TLL2: variants seen among roughly 807,000 people sequenced by gnomAD.
TLL2 encodes the protein tolloid like 2, also known as tolloid-like protein 2.
In TLL2, 106 loss-of-function variants were observed where a neutral mutation model predicts 123.0. The ratio of observed to expected loss-of-function variants is 0.86; its 90% confidence interval spans 0.74 to 1.01. The LOEUF (loss-of-function observed/expected upper bound fraction) is 1.01. TLL2 is among the 50% of genes least tolerant of loss of function. TLL2 has a pLI of 0.00. For synonymous variants in TLL2, 494 were observed against 516.8 expected (o/e 0.96, Z 0.60); for missense variants, 1,332 against 1,336.7 (o/e 1.00, Z 0.06).
intron 2 of TLL2, among the ~76,000 whole-genome samples, chr10:96,475,218 A>C (rs1847225974): frequency 6.6e-6 from 1 of 152,226 alleles, no homozygotes; most frequent in South Asian, 2.1e-4. Flanking sequence ...AAATCAACAC[A>C]GCTCGTGGCC....
chr10:96,428,639 T>A lies in TLL2; in HGVS notation c.630A>T (p.Arg210Ser), dbSNP rs1846702802. ...CGCTTTCGTTTACTTACCCACAGGT[T>A]CTGTAACTGAATACAATAAAGCTTT... ...DEESFIVFSYRTCGCCSYVGR... is the reference protein window; with the variant it reads ...DEESFIVFSYSTCGCCSYVGR... The change falls in exon 5 of 21, where the codon AGA (arginine) becomes AGT (serine). Residue 210 changes from arginine to serine, a missense_variant. By Grantham distance (110) the Arg-to-Ser change is moderately radical. Coordinates refer to ENST00000357947, the MANE Select transcript of TLL2 (RefSeq NM_012465.4). 6.2e-7 allele frequency: 1 copy of A among 1,612,532 alleles called. No homozygotes were observed. The highest frequency in any genetic ancestry group is 8.5e-7 in the Non-Finnish European group (1 of 1,178,712).
intron 7 of TLL2, among the ~76,000 whole-genome samples, chr10:96,413,622 G>A: frequency 6.6e-6 from 1 of 152,168 alleles, no homozygotes; most frequent in South Asian, 2.1e-4. Flanking sequence ...ATGAAGCCCT[G>A]ACAGGTCCAG....
intron 1 of TLL2, among the ~76,000 whole-genome samples, chr10:96,499,947 T>C (rs1220599164): frequency 6.6e-6 from 1 of 151,932 alleles, no homozygotes; most frequent in Non-Finnish European, 1.5e-5. Flanking sequence ...TTTTTAAAAC[T>C]AGAATATAAA....
intron 5 of TLL2, among the ~76,000 whole-genome samples, chr10:96,424,656 A>G: frequency 6.6e-6 from 1 of 151,714 alleles, no homozygotes. Context: ...TGGGTTGTCC[A>G]TTTTTTTATG....
intron 19 of TLL2, among the ~76,000 whole-genome samples, chr10:96,370,953 A>T (rs1477855216): frequency 6.6e-6 from 1 of 152,134 alleles, no homozygotes; most frequent in Non-Finnish European, 1.5e-5. Flanking sequence ...TTCATTATAC[A>T]AGGACAGTAA....
chr10:96,408,528 A>G (rs902713095), intron 9 of TLL2, among the ~76,000 whole-genome samples: 7 of 152,176 alleles, frequency 4.6e-5, no homozygotes, highest in African/African-American at 1.7e-4. Flanking sequence ...GAGCAATTCA[A>G]TAATTTAGAA....
At chr10:96,410,124 T>C (rs986379295) in intron 9 of TLL2, among the ~76,000 whole-genome samples, 1 of 152,226 alleles carries the variant, frequency 6.6e-6, no homozygotes, top group Non-Finnish European at 1.5e-5. Context: ...GAAGGAACTG[T>C]GAGCTTGATT....
chr10:96,490,310 TC>T (rs1419615258), intron 1 of TLL2, among the ~76,000 whole-genome samples: 1 of 152,122 alleles, frequency 6.6e-6, no homozygotes, highest in Non-Finnish European at 1.5e-5. Flanking sequence ...TCAATCAAAA[TC>T]CCAATTTTTT....
At chr10:96,390,469 G>A (rs765544079) in intron 13 of TLL2, among the ~76,000 whole-genome samples, 8 of 152,246 alleles carry the variant, frequency 5.3e-5, no homozygotes, top group Non-Finnish European at 1.2e-4. Context: ...TCTGCTTGCT[G>A]CCAGCCAGTA....
chr10:96,431,041 T>C (rs1564905904), intron 4 of TLL2, among the ~76,000 whole-genome samples: 2 of 152,302 alleles, frequency 1.3e-5, no homozygotes, highest in East Asian at 3.9e-4. Flanking sequence ...TCTAATAACA[T>C]GAAATACTTG....
chr10:96,382,179 G>A (rs143376900), intron 16 of TLL2, among the ~76,000 whole-genome samples: 176 of 152,126 alleles, frequency 1.2e-3, no homozygotes, highest in African/African-American at 3.8e-3. Context: ...CTACACATGC[G>A]CCAGCGCGCC....
At chr10:96,381,025 C>T (rs975203858) in intron 16 of TLL2, among the ~76,000 whole-genome samples, 3 of 152,162 alleles carry the variant, frequency 2.0e-5, no homozygotes, top group African/African-American at 7.2e-5. Context: ...GCCCAACACC[C>T]AGCACTGACC....
At chr10:96,394,940 G>T (rs1035169323) in intron 13 of TLL2, among the ~76,000 whole-genome samples, 9 of 152,308 alleles carry the variant, frequency 5.9e-5, no homozygotes, top group African/African-American at 1.9e-4. Flanking sequence ...GTTTGCCCTT[G>T]TAAACTTATT....
intron 1 of TLL2, among the ~76,000 whole-genome samples, chr10:96,511,667 G>A (rs918753364): frequency 6.6e-5 from 10 of 152,222 alleles, no homozygotes; most frequent in Non-Finnish European, 1.3e-4. Flanking sequence ...AGGCTGAGAC[G>A]GGGAGCTGGC....
chr10:96,450,290 T>C (rs1195839134), intron 2 of TLL2, among the ~76,000 whole-genome samples: 1 of 152,128 alleles, frequency 6.6e-6, no homozygotes, highest in Non-Finnish European at 1.5e-5. Flanking sequence ...TATCAGCTTT[T>C]ATGGAGAGAA....
At chr10:96,419,386 A>G (rs1846597467) in intron 7 of TLL2, among the ~76,000 whole-genome samples, 1 of 152,186 alleles carries the variant, frequency 6.6e-6, no homozygotes, top group African/African-American at 2.4e-5. Flanking sequence ...ACCATCACAC[A>G]GCTGCCCCTA....
intron 8 of TLL2, chr10:96,410,741 C>A: frequency 3.6e-6 from 2 of 550,618 alleles, no homozygotes; most frequent in Admixed American, 2.3e-5. Flanking sequence ...AGCTCTCTGG[C>A]CAGCTGTGTG....
chr10:96,405,348 C>T lies in TLL2; in HGVS notation c.1165-14G>A, dbSNP rs1008597064. On this transcript the variant is annotated splice_polypyrimidine_tract_variant and intron_variant, in intron 9 of 20. Transcript: ENST00000357947. ...GTTTAATACGATCTGTAAAGAATTA[C>T]CATAAAGTGAGTTTTGGCAGCAAAG... The T allele has an allele frequency of 1.6e-5, 26 of 1,613,128 alleles. No homozygotes were observed. The highest frequency in any genetic ancestry group is 2.0e-5 in the Non-Finnish European group (24 of 1,179,226).
intron 3 of TLL2, among the ~76,000 whole-genome samples, chr10:96,436,852 A>AT (rs1313379832): frequency 6.6e-6 from 1 of 151,904 alleles, no homozygotes; most frequent in East Asian, 1.9e-4. Context: ...CCCCCGGCTA[A>AT]TTTTTATACT....
Sources: gnomAD v4.1 joint callset for allele counts (sites outside exome capture counted in the v4.1 genomes callset) on GRCh38, gnomAD v4.1.1 for gene constraint, MANE v1.5 for transcripts, NCBI Gene and HGNC (gene_info 2026-07-23, HGNC 2026-07-21) for gene names.